Variants in AGBL1 observed in about 807,000 individuals in gnomAD.
AGBL1 encodes the protein AGBL carboxypeptidase 1.
A neutral mutation model predicts 118.9 loss-of-function variants in AGBL1; 130 were observed. The ratio of observed to expected loss-of-function variants is 1.09; its 90% CI spans 0.95 to 1.26. AGBL1 has a LOEUF of 1.26. AGBL1 is among the 50% of genes most tolerant of loss of function. AGBL1 has a pLI of 0.00. For synonymous variants in AGBL1, 555 were observed against 478.9 expected (o/e 1.16, Z -2.08); for missense variants, 1,584 against 1,298.1 (o/e 1.22, Z -3.38).
At chr15:86,427,909 A>G (rs963691646) in intron 18 of AGBL1, among the ~76,000 whole-genome samples, 1 of 152,206 alleles carries the variant, frequency 6.6e-6, no homozygotes, top group Non-Finnish European at 1.5e-5. Flanking sequence ...GCTTACGGAC[A>G]AATACCCTCT....
At chr15:86,318,053 T>C (rs546505961) in intron 17 of AGBL1, among the ~76,000 whole-genome samples, 1 of 152,342 alleles carries the variant, frequency 6.6e-6, no homozygotes, top group African/African-American at 2.4e-5. Flanking sequence ...ATCTGCTTCA[T>C]GAAATATTCT....
chr15:87,030,237 T>C (rs1470509685), downstream of AGBL1, among the ~76,000 whole-genome samples: 2 of 151,952 alleles, frequency 1.3e-5, no homozygotes, highest in African/African-American at 4.8e-5. Flanking sequence ...ATGGTGGGCA[T>C]ATGTATACAA....
chr15:86,889,127 C>G (rs901395563), intron 22 of AGBL1, among the ~76,000 whole-genome samples: 1 of 151,950 alleles, frequency 6.6e-6, no homozygotes, highest in African/African-American at 2.4e-5. Flanking sequence ...AAAGTCATTC[C>G]TGACCTTTCC....
At position 86,913,878 on chromosome 15, in the gene AGBL1, C is replaced by G. The variant is rs1217312771; in HGVS notation, c.*6584C>G. On this transcript the variant is annotated 3_prime_UTR_variant, in exon 23 of 23. Coordinates refer to ENST00000614907, the MANE Select transcript of AGBL1 (RefSeq NM_001386094.1). Reference sequence around the variant, plus strand: ...GGCAGAGTGAGACCCTGTACTCTGTCTAAAAGTAAATAAAAAGGCTGAAGC... The same window carrying G: ...GGCAGAGTGAGACCCTGTACTCTGTGTAAAAGTAAATAAAAAGGCTGAAGC... 2.0e-5 allele frequency: 3 copies of G among 152,000 alleles called. No homozygotes were observed. Among genetic ancestry groups the G allele is most frequent in the Admixed American group, 1.3e-4 (2 of 15,262 alleles). 9.4% of individuals were successfully genotyped at this position (152,000 alleles called of 1,614,324 possible). A position where few individuals can be genotyped will look rare whatever the true frequency, so the allele number is the denominator to read the frequency against.
chr15:86,940,734 C>T (rs774774769), intron 23 of AGBL1, among the ~76,000 whole-genome samples: 21 of 152,112 alleles, frequency 1.4e-4, no homozygotes, highest in African/African-American at 2.2e-4. Context: ...TTTCAATTGG[C>T]GTGGTAATGA....
intron 5 of AGBL1, among the ~76,000 whole-genome samples, chr15:86,193,117 A>G (rs1021481685): frequency 2.0e-5 from 3 of 152,232 alleles, no homozygotes; most frequent in Non-Finnish European, 2.9e-5. Flanking sequence ...AGATACTGTG[A>G]TGGGTGTCAA....
At position 86,702,099 on chromosome 15, in the gene AGBL1, A is replaced by T. The variant is rs543645180; in HGVS notation, c.3158+27663A>T. ...CAAATTATCACTAAATCCTATCCAT[A>T]GCTCCAATCCATAGCTCATATTAAA... On this transcript the variant is annotated intron_variant, in intron 22 of 22. Transcript: ENST00000614907. Among the ~76,000 whole-genome samples the T allele has an allele frequency of 1.7e-3, 265 of 152,052 alleles. 4 individuals carry two copies. The East Asian group carries it at 0.022, about 12-fold the overall frequency.
chr15:86,898,688 T>C (rs993775841), intron 22 of AGBL1, among the ~76,000 whole-genome samples: 1 of 151,714 alleles, frequency 6.6e-6, no homozygotes, highest in Non-Finnish European at 1.5e-5. Context: ...ATAAGGAACT[T>C]AAAGAGGAAA....
intron 17 of AGBL1, among the ~76,000 whole-genome samples, chr15:86,326,694 C>T (rs1006491013): frequency 2.0e-5 from 3 of 152,072 alleles, no homozygotes; most frequent in South Asian, 2.1e-4. Context: ...TAATTTTTTA[C>T]TTGTTTGTTT....
intron 5 of AGBL1, among the ~76,000 whole-genome samples, chr15:86,216,460 T>C (rs1004122476): frequency 2.0e-5 from 3 of 152,188 alleles, no homozygotes; most frequent in African/African-American, 7.2e-5. Context: ...TGAATAATTT[T>C]GTAAGAAAAA....
At chr15:86,594,616 T>C (rs907673720) in intron 21 of AGBL1, among the ~76,000 whole-genome samples, 1 of 152,222 alleles carries the variant, frequency 6.6e-6, no homozygotes, top group African/African-American at 2.4e-5. Context: ...TTTTGTTCTG[T>C]TTTCCAAATT....
At chr15:86,314,125 T>C (rs922304109) in intron 17 of AGBL1, among the ~76,000 whole-genome samples, 3 of 152,192 alleles carry the variant, frequency 2.0e-5, no homozygotes, top group Admixed American at 2.0e-4. Context: ...AGTCTATCTT[T>C]GAGGTTTGGA....
intron 18 of AGBL1, among the ~76,000 whole-genome samples, chr15:86,405,998 A>T (rs1261709971): frequency 6.6e-6 from 1 of 152,210 alleles, no homozygotes; most frequent in Non-Finnish European, 1.5e-5. Context: ...GCTTCAGTGC[A>T]CAGCAGGCAC....
intron 5 of AGBL1, among the ~76,000 whole-genome samples, chr15:86,169,669 A>G (rs1034162709): frequency 6.6e-6 from 1 of 152,234 alleles, no homozygotes; most frequent in African/African-American, 2.4e-5. Context: ...AAGTTGTTAG[A>G]CTGTATTGTT....
At chr15:86,747,504 G>A (rs993084802) in intron 22 of AGBL1, among the ~76,000 whole-genome samples, 3 of 152,184 alleles carry the variant, frequency 2.0e-5, no homozygotes, top group Non-Finnish European at 2.9e-5. Flanking sequence ...TATACTTTAA[G>A]TTCTAGGGTA....
intron 18 of AGBL1, among the ~76,000 whole-genome samples, chr15:86,401,780 G>T (rs2141997206): frequency 6.6e-6 from 1 of 152,088 alleles, no homozygotes; most frequent in Non-Finnish European, 1.5e-5. Context: ...TTTATTTCTG[G>T]ATATTCTATT....
At chr15:86,392,945 G>A (rs967941359) in intron 17 of AGBL1, among the ~76,000 whole-genome samples, 10 of 152,168 alleles carry the variant, frequency 6.6e-5, no homozygotes, top group Non-Finnish European at 2.9e-5. Flanking sequence ...TGGTATGTGT[G>A]GTGCATACTA....
At chr15:86,481,378 G>A (rs1029813376) in intron 18 of AGBL1, among the ~76,000 whole-genome samples, 3 of 152,040 alleles carry the variant, frequency 2.0e-5, no homozygotes, top group Admixed American at 6.6e-5. Context: ...TAAATCAGTT[G>A]CTTCCAGATC....
chr15:86,768,348 C>G (rs1268914662), intron 22 of AGBL1, among the ~76,000 whole-genome samples: 1 of 151,898 alleles, frequency 6.6e-6, no homozygotes, highest in Non-Finnish European at 1.5e-5. Context: ...ATACTCATAA[C>G]AACACAACAT....
Sources: allele counts gnomAD v4.1 joint callset (sites outside exome capture counted in the v4.1 genomes callset), GRCh38; gene constraint gnomAD v4.1.1; transcripts MANE v1.5; gene names NCBI Gene and HGNC (gene_info 2026-07-23, HGNC 2026-07-21).